The following FANCI variants were observed in gnomAD, a reference collection of about 807,000 sequenced individuals.
FANCI encodes Fanconi anemia group I protein.
Under a neutral mutation model 176.1 loss-of-function variants are expected in FANCI, and 156 were observed. The observed-to-expected ratio is 0.89, with a 90% CI of 0.78 to 1.01. The LOEUF is 1.01. Among genes scored for constraint, FANCI ranks in the 50% least tolerant of loss-of-function variants. The pLI, the probability that FANCI is intolerant of heterozygous loss-of-function variation, is 0.00. For synonymous variants in FANCI, 613 were observed against 541.7 expected (o/e 1.13, Z -1.83); for missense variants, 1,678 against 1,534.1 (o/e 1.09, Z -1.57).
Position 89,299,912 on chromosome 15 carries a change from A to C in FANCI, c.2749A>C (p.Ser917Arg). 1 of 1,614,138 alleles carries C rather than the reference A, an allele frequency of 6.2e-7. No individual in the cohort carries two copies. The highest frequency in any genetic ancestry group is 8.5e-7 in the Non-Finnish European group (1 of 1,180,004). ...CTTGGAGGGTTTACAGAAAATATTC[A>C]GTGCTGTGCAACAGTTCTATCAGCC... ...LCLEGLQKIF[S>R]AVQQFYQPKI... Residue 917 changes from serine to arginine, a missense_variant, in exon 25 of 38, where the codon AGT becomes CGT. Physicochemically the swap from Ser to Arg is moderately radical, Grantham distance 110 (BLOSUM62 -1). Coordinates refer to ENST00000310775, the MANE Select transcript of FANCI (RefSeq NM_001113378.2).
chr15:89,303,183 A>G (rs962701693), intron 27 of FANCI, among the ~76,000 whole-genome samples: 1 of 152,218 alleles, frequency 6.6e-6, no homozygotes, highest in African/African-American at 2.4e-5. Flanking sequence ...GAGAGCTTTC[A>G]GTTAGCCTCT....
chr15:89,261,586 C>G lies in FANCI; in HGVS notation c.290C>G (p.Ala97Gly). The G allele has an allele frequency of 1.2e-6, 2 of 1,614,064 alleles. No homozygotes were observed. Among genetic ancestry groups the G allele is most frequent in the East Asian group, 2.2e-5 (1 of 44,862 alleles). ...SEIIGLLMLE[A>G]HHFPGPLLVE... ...TTCCTTTATCCTGTGAACTTTTAGG[C>G]TCACCATTTTCCAGGACCATTATTG... The change falls in exon 5 of 38, where the codon GCT becomes GGT. Residue 97 changes from alanine to glycine, a missense_variant and splice_region_variant. Coordinates refer to ENST00000310775, the MANE Select transcript of FANCI (RefSeq NM_001113378.2).
chr15:89,305,547 A>AC, intron 30 of FANCI, 58 bp from the exon 31 acceptor site: 1 of 1,604,326 alleles, frequency 6.2e-7, no homozygotes, highest in Non-Finnish European at 8.5e-7. Flanking sequence ...GACCACAGTT[A>AC]TTATATTACC....
At chr15:89,302,788 T>C (rs1427633173) in intron 27 of FANCI, among the ~76,000 whole-genome samples, 2 of 152,306 alleles carry the variant, frequency 1.3e-5, no homozygotes, top group East Asian at 3.9e-4. Flanking sequence ...TTAGCCAGGA[T>C]GATCTCGATC....
rs550024879 is a variant in FANCI, at chr15:89,268,651, C to CT, written c.882+139dup. 21,892 of 926,798 alleles carry CT rather than the reference C, an allele frequency of 0.024. 27 individuals carry two copies. Among genetic ancestry groups the CT allele is most frequent in the African/African-American group, 0.042 (2,417 of 56,988 alleles). The allele number at this position is 926,798 out of a possible 1,614,324, so 57.4% of individuals were successfully genotyped here. A position where few individuals can be genotyped will look rare whatever the true frequency, so the allele number is the denominator to read the frequency against. On this transcript the variant is annotated intron_variant, in intron 10 of 37. Coordinates refer to ENST00000310775, the MANE Select transcript of FANCI (RefSeq NM_001113378.2). ...AAATGACCCTGGGTGTGGAGGATCT[C>CT]TTTTTTTTTTTTTACTTTAAAAGTG...
Position 89,316,375 on chromosome 15 carries a change from CATTA to C in FANCI, c.3925-18_3925-15del, listed in dbSNP as rs758928059. On this transcript the variant is annotated intron_variant, in intron 37 of 37. Coordinates refer to ENST00000310775, the MANE Select transcript of FANCI (RefSeq NM_001113378.2). ...TTGGAGCAGGTTTATCACGTTAGAG[CATTA>C]ATTCTTTCCCCTTCTAGGGCACTGC... 3.7e-6 allele frequency: 6 copies of C among 1,605,946 alleles called. No homozygotes were observed. The highest frequency in any genetic ancestry group is 1.1e-5 in the South Asian group (1 of 89,846).
chr15:89,299,195 T>C lies in FANCI; in HGVS notation c.2637-605T>C, dbSNP rs919643023. Among the ~76,000 whole-genome samples the C allele has an allele frequency of 3.3e-5, 5 of 150,742 alleles. No individual in the cohort carries two copies. In the East Asian group the frequency reaches 9.7e-4, roughly 29 times the overall value. On this transcript the variant is annotated intron_variant, in intron 24 of 37. Coordinates refer to ENST00000310775, the MANE Select transcript of FANCI (RefSeq NM_001113378.2). ...AAAAAAAAAAAAAAAACCTGAGTAA[T>C]CTTATCTCTATTCAAAAAAACCTGA... is the stretch of plus-strand genomic sequence containing the variant.
At chr15:89,306,808 AAACT>A (rs2054740193) in intron 32 of FANCI, among the ~76,000 whole-genome samples, 1 of 152,198 alleles carries the variant, frequency 6.6e-6, no homozygotes, top group Non-Finnish European at 1.5e-5. Context: ...GGTTTAATCT[AAACT>A]ATAACTATCC....
chr15:89,281,179 C>T lies in FANCI; in HGVS notation c.1391C>T (p.Ser464Leu). The T allele has an allele frequency of 1.2e-6, 2 of 1,613,582 alleles. No individual in the cohort carries two copies. Residue 464 changes from serine to leucine, a missense_variant, in exon 15 of 38, where the codon TCA (serine) becomes TTA (leucine). By Grantham distance (145) the Ser-to-Leu change is moderately radical. Transcript: ENST00000310775. Reference protein sequence around the residue: ...SPISHFLDLLSNIVMYAPLVL... With the variant: ...SPISHFLDLLLNIVMYAPLVL... ...AGATTCTGTTTTTCAGACCTGCTTT[C>T]AAATATCGTCATGTATGCACCCTTA...
Position 89,292,724 on chromosome 15 carries a change from T to G in FANCI, c.2029T>G (p.Trp677Gly). 2 of 1,613,882 alleles carry G rather than the reference T, an allele frequency of 1.2e-6. No individual in the cohort carries two copies. The highest frequency in any genetic ancestry group is 1.7e-6 in the Non-Finnish European group (2 of 1,179,974). ...GTGTTGTATTCAGCATTGTTTGGCC[T>G]GGTATAAGAATACAGTCATACCCTT... ...LLCCIQHCLA[W>G]YKNTVIPLQQ... Residue 677 changes from tryptophan (W) to glycine (G), a missense_variant, in exon 21 of 38, where the codon TGG (tryptophan) becomes GGG (glycine). Trp to Gly is a radical substitution (Grantham distance 184). Coordinates refer to ENST00000310775, the MANE Select transcript of FANCI (RefSeq NM_001113378.2).
intron 9 of FANCI, 42 bp downstream of exon 9, chr15:89,264,649 T>G: frequency 6.5e-7 from 1 of 1,533,822 alleles, no homozygotes; most frequent in Non-Finnish European, 9.0e-7. Context: ...TTTTACAAAT[T>G]CATCTTCTCA....
chr15:89,265,063 C>G (rs2052881560), intron 9 of FANCI, among the ~76,000 whole-genome samples: 1 of 152,226 alleles, frequency 6.6e-6, no homozygotes, highest in Non-Finnish European at 1.5e-5. Flanking sequence ...GGGAAAACCT[C>G]TCTCAGATGT....
intron 24 of FANCI, among the ~76,000 whole-genome samples, chr15:89,297,074 C>T (rs2054318275): frequency 6.6e-6 from 1 of 151,528 alleles, no homozygotes; most frequent in African/African-American, 2.4e-5. Flanking sequence ...CTCCTCACTT[C>T]CCAGACGGGG....
At chr15:89,251,172 ACAGTAGATT>A (rs2052232174) in intron 2 of FANCI, among the ~76,000 whole-genome samples, 3 of 152,240 alleles carry the variant, frequency 2.0e-5, no homozygotes, top group Admixed American at 2.0e-4. Flanking sequence ...CTGTGAGACT[ACAGTAGATT>A]CCTGTGCAAA....
At chr15:89,244,388 C>T (rs1255447071) in intron 1 of FANCI, 1 of 152,362 alleles carries the variant, frequency 6.6e-6, no homozygotes, top group South Asian at 2.1e-4. Context: ...TATTTGCGCT[C>T]ACGGCTTGTT....
At chr15:89,254,146 C>T (rs535725690) in intron 2 of FANCI, among the ~76,000 whole-genome samples, 1 of 152,212 alleles carries the variant, frequency 6.6e-6, no homozygotes, top group South Asian at 2.1e-4. Context: ...TCACTTGAGT[C>T]CGGGAGTTCA....
Position 89,305,197 on chromosome 15 carries a change from T to G in FANCI, c.3141T>G (p.Arg1047=). ...ATAAGAGTCCTGTCATTCTGCTGCG[T>G]GACTTGTCCCAGGATATCCACGGGC... ...VSYKSPVILL[R]DLSQDIHGHL... Residue 1047 remains arginine (R), a synonymous_variant, in exon 29 of 38, where the codon CGT becomes CGG. Transcript: ENST00000310775. 6.2e-7 allele frequency: 1 copy of G among 1,614,248 alleles called. No homozygotes were observed.
intron 24 of FANCI, among the ~76,000 whole-genome samples, chr15:89,295,733 C>CG (rs2054237045): frequency 1.6e-5 from 1 of 61,742 alleles, no homozygotes; most frequent in Non-Finnish European, 3.5e-5. Flanking sequence ...TCCCCTGGCG[C>CG]CCCCCCCACC....
In FANCI at chr15:89,292,758, G is replaced by A. The variant is rs778157971; in HGVS notation, c.2063G>A (p.Gly688Glu). 2 of 1,614,008 alleles carry A rather than the reference G, an allele frequency of 1.2e-6. No homozygotes were observed. The highest frequency in any genetic ancestry group is 3.3e-5 in the Admixed American group (2 of 60,024). The change falls in exon 21 of 38, where the codon GGA becomes GAA. Residue 688 changes from glycine to glutamate, a missense_variant. Transcript: ENST00000310775. ...YKNTVIPLQQ[G>E]EEEEEEEEAF... ...AATACAGTCATACCCTTACAGCAGG[G>A]AGAGGAGGAAGAGGAGGAGGAAGAG...
Sources: allele counts gnomAD v4.1 joint callset (sites outside exome capture counted in the v4.1 genomes callset), GRCh38; gene constraint gnomAD v4.1.1; transcripts MANE v1.5; gene names NCBI Gene and HGNC (gene_info 2026-07-23, HGNC 2026-07-21).